SLC25A21: variants seen among roughly 807,000 people sequenced by gnomAD.
The protein encoded by SLC25A21 is mitochondrial 2-oxodicarboxylate carrier.
In SLC25A21, 47 loss-of-function variants were observed where a neutral mutation model predicts 43.8. That is an observed-to-expected ratio of 1.07 (90% CI 0.85 to 1.37). The LOEUF (loss-of-function observed/expected upper bound fraction) is 1.37, where lower values mean the gene tolerates loss of function less well. SLC25A21 is among the 40% of genes most tolerant of loss of function. SLC25A21 has a pLI of 0.00. For missense variants in SLC25A21, 352 were observed against 350.2 expected (o/e 1.00, Z -0.04); for synonymous variants, 131 against 121.3 (o/e 1.08, Z -0.52).
intron 1 of SLC25A21, among the ~76,000 whole-genome samples, chr14:36,997,819 C>CA (rs201032859): frequency 0.3 from 35,508 of 119,304 alleles, 4,455 homozygotes; most frequent in Middle Eastern, 0.36. Flanking sequence ...GACTCTGTCT[C>CA]AAAAAAAAAA....
intron 3 of SLC25A21, among the ~76,000 whole-genome samples, chr14:36,799,476 C>T (rs999184896): frequency 1.3e-5 from 2 of 152,094 alleles, no homozygotes; most frequent in Non-Finnish European, 2.9e-5. Flanking sequence ...AGTGCCCCGG[C>T]ATCCTGAAGA....
intron 1 of SLC25A21, among the ~76,000 whole-genome samples, chr14:37,132,817 C>A (rs1963413269): frequency 6.6e-6 from 1 of 151,846 alleles, no homozygotes; most frequent in African/African-American, 2.4e-5. Flanking sequence ...GCAGCCTCAA[C>A]CTCCCCAGGC....
At chr14:36,781,698 TATA>T (rs1887069540) in intron 3 of SLC25A21, among the ~76,000 whole-genome samples, 1 of 152,238 alleles carries the variant, frequency 6.6e-6, no homozygotes, top group Non-Finnish European at 1.5e-5. Context: ...TAATTGTAGT[TATA>T]ATAATTGCAG....
chr14:36,993,812 A>C (rs1261646348), intron 1 of SLC25A21, among the ~76,000 whole-genome samples: 1 of 152,172 alleles, frequency 6.6e-6, no homozygotes, highest in African/African-American at 2.4e-5. Context: ...ACACCTCATC[A>C]ATCCCTTAAA....
At chr14:37,031,602 T>A (rs1439611745) in intron 1 of SLC25A21, among the ~76,000 whole-genome samples, 2 of 152,162 alleles carry the variant, frequency 1.3e-5, no homozygotes, top group Non-Finnish European at 2.9e-5. Context: ...AGCTTTCTTA[T>A]CCTATGAATA....
chr14:36,887,477 C>T (rs115247873), intron 1 of SLC25A21, among the ~76,000 whole-genome samples: 145 of 151,278 alleles, frequency 9.6e-4, no homozygotes, highest in African/African-American at 3.4e-3. Flanking sequence ...GCAGGAGAAT[C>T]GCTTAAACCT....
At chr14:36,768,035 A>C (rs765230703) in intron 3 of SLC25A21, among the ~76,000 whole-genome samples, 43 of 152,204 alleles carry the variant, frequency 2.8e-4, no homozygotes, top group Non-Finnish European at 4.8e-4. Context: ...GCAGTGTGGA[A>C]AAACATGTCG....
intron 2 of SLC25A21, 52 bp from the exon 3 acceptor site, chr14:36,814,053 C>CT: frequency 8.0e-7 from 1 of 1,249,888 alleles, no homozygotes; most frequent in Non-Finnish European, 1.1e-6. Context: ...TGCCAAATGG[C>CT]TTTTCTCATT....
chr14:37,071,664 C>A (rs747142057), intron 1 of SLC25A21, among the ~76,000 whole-genome samples: 16 of 152,266 alleles, frequency 1.1e-4, no homozygotes, highest in African/African-American at 3.1e-4. Flanking sequence ...AGTCTAGATC[C>A]AGAGATACAT....
chr14:36,684,701 G>A (rs1429652975), intron 8 of SLC25A21, 43 bp downstream of exon 8: 23 of 1,540,822 alleles, frequency 1.5e-5, no homozygotes, highest in Non-Finnish European at 1.9e-5. Context: ...CTAACAATAC[G>A]TGAGCCTCAT....
intron 1 of SLC25A21, among the ~76,000 whole-genome samples, chr14:36,950,400 T>C (rs779162566): frequency 2.6e-5 from 4 of 152,014 alleles, no homozygotes; most frequent in Non-Finnish European, 4.4e-5. Flanking sequence ...AATATCTTTA[T>C]AAGAAGAGGA....
intron 1 of SLC25A21, among the ~76,000 whole-genome samples, chr14:37,048,840 G>T (rs556752734): frequency 7.8e-4 from 119 of 152,304 alleles, no homozygotes; most frequent in Admixed American, 2.4e-3. Flanking sequence ...TAGCCACTGA[G>T]ACCAATAACT....
intron 1 of SLC25A21, among the ~76,000 whole-genome samples, chr14:37,142,225 A>G (rs1963582966): frequency 1.3e-5 from 2 of 152,270 alleles, no homozygotes; most frequent in African/African-American, 2.4e-5. Context: ...CTTGAGGATT[A>G]GAAAGATTAA....
chr14:36,948,870 C>T (rs1482949963), intron 1 of SLC25A21, among the ~76,000 whole-genome samples: 2 of 151,966 alleles, frequency 1.3e-5, no homozygotes, highest in East Asian at 3.9e-4. Flanking sequence ...TAAATTCCAC[C>T]TGTTTCTACT....
intron 1 of SLC25A21, among the ~76,000 whole-genome samples, chr14:37,144,211 G>A (rs1039592657): frequency 6.6e-6 from 1 of 152,148 alleles, no homozygotes; most frequent in African/African-American, 2.4e-5. Context: ...TGTCAATTAG[G>A]TGGTCTCTTT....
At chr14:36,960,169 A>G (rs1358314377) in intron 1 of SLC25A21, among the ~76,000 whole-genome samples, 1 of 152,090 alleles carries the variant, frequency 6.6e-6, no homozygotes, top group African/African-American at 2.4e-5. Context: ...CTATTCACCT[A>G]TTTTCACTGG....
At chr14:37,015,322 G>A (rs1471890695) in intron 1 of SLC25A21, among the ~76,000 whole-genome samples, 1 of 150,938 alleles carries the variant, frequency 6.6e-6, no homozygotes, top group Non-Finnish European at 1.5e-5. Context: ...ATAGTTTGCT[G>A]AGAATGATGA....
chr14:36,798,758 C>G (rs1190805226), intron 3 of SLC25A21, among the ~76,000 whole-genome samples: 1 of 152,082 alleles, frequency 6.6e-6, no homozygotes, highest in Non-Finnish European at 1.5e-5. Flanking sequence ...TATCAAAACA[C>G]TTTGTACACT....
intron 1 of SLC25A21, among the ~76,000 whole-genome samples, chr14:37,025,913 G>A (rs545348361): frequency 6.6e-6 from 1 of 152,046 alleles, no homozygotes; most frequent in South Asian, 2.1e-4. Flanking sequence ...GATAAAACCA[G>A]GTGGTAAATT....
Sources: gnomAD v4.1 joint callset for allele counts (sites outside exome capture counted in the v4.1 genomes callset) on GRCh38, gnomAD v4.1.1 for gene constraint, MANE v1.5 for transcripts, NCBI Gene and HGNC (gene_info 2026-07-23, HGNC 2026-07-21) for gene names.